TERF2: variants seen among roughly 807,000 people sequenced by gnomAD.
TERF2 encodes telomeric repeat binding factor 2, also known as telomeric repeat-binding factor 2.
Under a neutral mutation model 56.1 loss-of-function variants are expected in TERF2, and 16 were observed. The observed-to-expected ratio is 0.29, with a 90% CI of 0.19 to 0.43. The LOEUF is 0.43. TERF2 is among the 20% of genes least tolerant of loss of function. The pLI is 1.00. For synonymous variants in TERF2, 296 were observed against 282.1 expected, an observed-to-expected ratio of 1.05 and a Z score of -0.50; for missense variants, 547 against 712.9, an observed-to-expected ratio of 0.77 and a Z score of 2.65.
intron 8 of TERF2, among the ~76,000 whole-genome samples, chr16:69,361,123 C>T (rs1199307155): frequency 6.6e-6 from 1 of 151,622 alleles, no homozygotes; most frequent in African/African-American, 2.4e-5. Context: ...GTCCCAGCTA[C>T]TCAGGAGGCT....
intron 2 of TERF2, 29 bp downstream of exon 2, chr16:69,385,362 C>A (rs200524150): frequency 1.3e-6 from 2 of 1,586,076 alleles, no homozygotes; most frequent in African/African-American, 1.3e-5. Context: ...CGCAAGTAAG[C>A]CCAGAGAAGA....
At chr16:69,370,419 T>TAGA in intron 5 of TERF2, 64 bp downstream of exon 5, 1 of 1,571,272 alleles carries the variant, frequency 6.4e-7, no homozygotes, top group African/African-American at 1.4e-5. Flanking sequence ...TCACTTCAGA[T>TAGA]ATTCTGATTC....
rs1378511694 is a variant in TERF2 at position 69,356,223 on chromosome 16, CAGGTCATGGAGTCACAAGTGGCTCCT to C, written c.*649_*674del. On this transcript the variant is annotated 3_prime_UTR_variant, in exon 10 of 10. Transcript: ENST00000254942. The stretch of plus-strand genomic sequence containing the variant: ...ATAATACTCACATTGCTGGTTTTAA[CAGGTCATGGAGTCACAAGTGGCTCCT>C]AATAGACTTCACCATTTCCTAGGAG... The C allele has an allele frequency of 6.6e-6, 3 of 455,718 alleles. No individual in the cohort carries two copies. The highest frequency in any genetic ancestry group is 6.0e-5 in the African/African-American group (3 of 50,184). The allele number at this position is 455,718 out of a possible 1,614,324, so 28.2% of individuals were successfully genotyped here. A position where few individuals can be genotyped will look rare whatever the true frequency, so the allele number is the denominator to read the frequency against.
intron 7 of TERF2, among the ~76,000 whole-genome samples, chr16:69,364,783 T>C (rs946847803): frequency 2.6e-5 from 4 of 152,168 alleles, no homozygotes; most frequent in African/African-American, 4.8e-5. Flanking sequence ...AGGCTCAGCT[T>C]TTCTTCCCAT....
intron 8 of TERF2, 180 bp from the exon 9 acceptor site, chr16:69,357,741 T>A (rs1274420940): frequency 4.5e-6 from 1 of 223,216 alleles, no homozygotes; most frequent in Non-Finnish European, 7.5e-6. Flanking sequence ...CACCAGTCAC[T>A]TCAGCCTATG....
chr16:69,375,202 T>G (rs1165072254), intron 3 of TERF2, among the ~76,000 whole-genome samples: 2 of 152,214 alleles, frequency 1.3e-5, no homozygotes, highest in Non-Finnish European at 2.9e-5. Context: ...TTATTATAAA[T>G]AGAGATGCTA....
At position 69,366,872 on chromosome 16, in the gene TERF2, G is replaced by A. The variant is rs368277007; in HGVS notation, c.1275C>T (p.Ala425=). ...TGGGCTTGGATGGTGGCGCTGAAGC[G>A]GCCTCCTGGGAGGAGTTGAGGCCTG... ...PSAGLNSSQE[A]ASAPPSKPTV... Residue 425 remains alanine (A), a synonymous_variant, in exon 7 of 10, where the codon GCC becomes GCT. Transcript: ENST00000254942. 1.8e-5 allele frequency: 29 copies of A among 1,614,202 alleles called. No homozygotes were observed. The East Asian group carries it at 2.2e-4, about 12-fold the overall frequency.
intron 8 of TERF2, among the ~76,000 whole-genome samples, chr16:69,358,346 C>T (rs2012999195): frequency 6.6e-6 from 1 of 152,096 alleles, no homozygotes; most frequent in African/African-American, 2.4e-5. Context: ...TAGGGTTTCA[C>T]TGTGTTAGCC....
intron 4 of TERF2, among the ~76,000 whole-genome samples, chr16:69,371,301 C>A (rs2013565088): frequency 6.6e-6 from 1 of 151,500 alleles, no homozygotes; most frequent in Admixed American, 6.6e-5. Flanking sequence ...GAGTTTGAGA[C>A]CAGCCTGGCC....
At chr16:69,370,820 A>AT (rs1567449825) in intron 4 of TERF2, among the ~76,000 whole-genome samples, 191 bp from the exon 5 acceptor site, 3 of 152,238 alleles carry the variant, frequency 2.0e-5, no homozygotes, top group Non-Finnish European at 4.4e-5. Context: ...GTGGGTTACT[A>AT]TGCAGCTATA....
At chr16:69,371,664 A>G (rs2142740723) in intron 4 of TERF2, among the ~76,000 whole-genome samples, 1 of 152,158 alleles carries the variant, frequency 6.6e-6, no homozygotes, top group Middle Eastern at 3.4e-3. Flanking sequence ...AAAATTTAAA[A>G]ATTAGCCATG....
intron 3 of TERF2, among the ~76,000 whole-genome samples, chr16:69,376,123 A>AT (rs1410486267): frequency 6.6e-6 from 1 of 152,030 alleles, no homozygotes; most frequent in Non-Finnish European, 1.5e-5. Flanking sequence ...ATTATCTAAG[A>AT]TTTTTTTGCC....
At chr16:69,379,165 T>C (rs1000148338) in intron 3 of TERF2, among the ~76,000 whole-genome samples, 6 of 152,130 alleles carry the variant, frequency 3.9e-5, no homozygotes, top group Non-Finnish European at 7.4e-5. Flanking sequence ...AGAAAGCACA[T>C]TTATTAACAA....
rs929892564 is a variant in TERF2 at position 69,356,518 on chromosome 16, A to C, written c.*380T>G. On this transcript the variant is annotated 3_prime_UTR_variant, in exon 10 of 10. Transcript: ENST00000254942. ...GCCCAGCTTCTGAAAGAAACAGCAGATGCCAGGCGCGGTGGCTCATGCCTG... is the reference window on the plus strand; with the variant it reads ...GCCCAGCTTCTGAAAGAAACAGCAGCTGCCAGGCGCGGTGGCTCATGCCTG... 3 of 269,178 alleles carry C rather than the reference A, an allele frequency of 1.1e-5. No homozygotes were observed. Among genetic ancestry groups the C allele is most frequent in the African/African-American group, 6.8e-5 (3 of 44,248 alleles). 16.7% of individuals were successfully genotyped at this position (269,178 alleles called of 1,614,324 possible). A position where few individuals can be genotyped will look rare whatever the true frequency, so the allele number is the denominator to read the frequency against.
chr16:69,357,653 C>T (rs1248102266), intron 8 of TERF2, 92 bp from the exon 9 acceptor site: 1 of 1,469,010 alleles, frequency 6.8e-7, no homozygotes, highest in Non-Finnish European at 9.3e-7. Context: ...AAAGGGAAAA[C>T]TTCTTCAAAT....
At chr16:69,364,092 G>C (rs565715471) in intron 7 of TERF2, among the ~76,000 whole-genome samples, 17 of 152,296 alleles carry the variant, frequency 1.1e-4, no homozygotes, top group African/African-American at 4.1e-4. Context: ...CAGGTGTTTT[G>C]GGTGTCACTC....
chr16:69,368,016 C>T (rs2013414157), intron 6 of TERF2, among the ~76,000 whole-genome samples: 1 of 152,198 alleles, frequency 6.6e-6, no homozygotes, highest in Non-Finnish European at 1.5e-5. Context: ...AAGCTTGTGA[C>T]CCCTGCTTTA....
intron 7 of TERF2, 149 bp downstream of exon 7, chr16:69,366,658 C>T: frequency 9.3e-7 from 1 of 1,071,222 alleles, no homozygotes; most frequent in South Asian, 1.8e-5. Context: ...TACGTCGTCA[C>T]TGGCCACTCC....
In TERF2 at chr16:69,356,071, A is replaced by AGTGT; in HGVS notation, c.*826_*827insACAC. Reference sequence around the variant, plus strand: ...CTAGGGTTGATGTCACGACTGGCTAAAGAGTTTTTAAAGGGAATCTTATTC... The same window carrying AGTGT: ...CTAGGGTTGATGTCACGACTGGCTAAGTGTAGAGTTTTTAAAGGGAATCTTATTC... On this transcript the variant is annotated 3_prime_UTR_variant, in exon 10 of 10. Transcript: ENST00000254942. 1 of 380,156 alleles carries AGTGT rather than the reference A, an allele frequency of 2.6e-6. No individual in the cohort carries two copies. The highest frequency in any genetic ancestry group is 3.3e-5 in the Admixed American group (1 of 30,162). 23.5% of individuals were successfully genotyped at this position (380,156 alleles called of 1,614,324 possible).
Sources: allele counts gnomAD v4.1 joint callset (sites outside exome capture counted in the v4.1 genomes callset), GRCh38; gene constraint gnomAD v4.1.1; transcripts MANE v1.5; gene names NCBI Gene and HGNC (gene_info 2026-07-23, HGNC 2026-07-21).